The following MYO1D variants were observed in gnomAD, a reference collection of about 807,000 sequenced individuals.
MYO1D encodes unconventional myosin-Id.
Under a neutral mutation model 122.0 loss-of-function variants are expected in MYO1D, and 83 were observed. That is an observed-to-expected ratio of 0.68 (90% CI 0.57 to 0.82). MYO1D has a LOEUF of 0.82. MYO1D is among the 40% of genes least tolerant of loss of function. The probability of loss-of-function intolerance (pLI) is 0.00; values close to 1 mark genes in which losing one functional copy is unlikely to be tolerated. For missense variants in MYO1D, 1,157 were observed against 1,269.5 expected, an observed-to-expected ratio of 0.91 and a Z score of 1.35; for synonymous variants, 464 against 446.9, an observed-to-expected ratio of 1.04 and a Z score of -0.48.
chr17:32,543,723 T>C (rs189797442), intron 21 of MYO1D, among the ~76,000 whole-genome samples: 47 of 152,214 alleles, frequency 3.1e-4, no homozygotes, highest in African/African-American at 1.1e-3. Context: ...CTAGCACAGA[T>C]CTTGTAGCCC....
rs115460945 is a variant in MYO1D, at chr17:32,731,715, C to T, written c.1746+6538G>A. ...GCCAGGAACAGGTGGAAGCCCCGCC[C>T]CCTTCCAAGTTGGCTGGGTGGGATC... is the stretch of plus-strand genomic sequence containing the variant. On this transcript the variant is annotated intron_variant, in intron 14 of 21. Coordinates refer to ENST00000318217, the MANE Select transcript of MYO1D (RefSeq NM_015194.3). Among the ~76,000 whole-genome samples, 731 of 152,312 alleles carry T rather than the reference C, an allele frequency of 4.8e-3. 2 individuals carry two copies. Among genetic ancestry groups the T allele is most frequent in the African/African-American group, 0.017 (700 of 41,560 alleles).
intron 14 of MYO1D, among the ~76,000 whole-genome samples, chr17:32,725,888 A>G (rs1434698285): frequency 6.6e-6 from 1 of 152,242 alleles, no homozygotes; most frequent in African/African-American, 2.4e-5. Context: ...ACAAAGAGAC[A>G]GACTGACAGC....
At chr17:32,581,037 A>T (rs1320524036) in intron 21 of MYO1D, among the ~76,000 whole-genome samples, 2 of 151,386 alleles carry the variant, frequency 1.3e-5, no homozygotes, top group East Asian at 3.9e-4. Flanking sequence ...ATATTTCTTA[A>T]ATCTATAGTA....
chr17:32,650,882 T>C (rs1215625530), intron 19 of MYO1D, among the ~76,000 whole-genome samples: 1 of 152,210 alleles, frequency 6.6e-6, no homozygotes, highest in East Asian at 1.9e-4. Context: ...CTGGGTCAGT[T>C]TGAATGATTA....
At chr17:32,581,619 CT>C (rs1249058250) in intron 21 of MYO1D, among the ~76,000 whole-genome samples, 1 of 151,470 alleles carries the variant, frequency 6.6e-6, no homozygotes, top group African/African-American at 2.4e-5. Flanking sequence ...GCTACCCTGG[CT>C]AGAGTGCAGT....
chr17:32,585,707 C>T (rs548256764), intron 21 of MYO1D, among the ~76,000 whole-genome samples: 27 of 144,346 alleles, frequency 1.9e-4, no homozygotes, highest in Admixed American at 6.5e-4. Flanking sequence ...TCCAGCACTC[C>T]AGTCTGGGCA....
intron 21 of MYO1D, among the ~76,000 whole-genome samples, chr17:32,539,276 TACACACACACACACACACACAC>T (rs5819986): frequency 1.3e-4 from 18 of 133,516 alleles, no homozygotes; most frequent in African/African-American, 4.0e-4. Context: ...ACCCTGTCTC[TACACACACACACACACACACAC>T]ACACACACAC....
At chr17:32,560,619 C>T (rs1211379819) in intron 21 of MYO1D, among the ~76,000 whole-genome samples, 2 of 130,464 alleles carry the variant, frequency 1.5e-5, no homozygotes, top group Non-Finnish European at 3.2e-5. Flanking sequence ...CAAGATTAGC[C>T]GGTGAATCTT....
intron 1 of MYO1D, among the ~76,000 whole-genome samples, chr17:32,794,537 C>T (rs2090393106): frequency 6.6e-6 from 1 of 151,886 alleles, no homozygotes; most frequent in East Asian, 1.9e-4. Flanking sequence ...TATTAGCACT[C>T]ATGTTCCAAG....
chr17:32,532,589 T>C (rs1910540207), intron 21 of MYO1D, among the ~76,000 whole-genome samples: 1 of 151,650 alleles, frequency 6.6e-6, no homozygotes, highest in Non-Finnish European at 1.5e-5. Flanking sequence ...TAGCCGGGCG[T>C]GGTGGCGGCG....
chr17:32,557,402 C>T (rs1250900114), intron 21 of MYO1D, among the ~76,000 whole-genome samples: 2 of 152,144 alleles, frequency 1.3e-5, no homozygotes, highest in Non-Finnish European at 2.9e-5. Flanking sequence ...AGCCACTGTG[C>T]CCGGCCTAGT....
At chr17:32,817,864 C>T (rs956444845) in intron 1 of MYO1D, among the ~76,000 whole-genome samples, 2 of 152,002 alleles carry the variant, frequency 1.3e-5, no homozygotes, top group Non-Finnish European at 2.9e-5. Context: ...CGGTGGCTCA[C>T]GCCTGTAATC....
At chr17:32,650,308 T>C (rs2088371482) in intron 19 of MYO1D, among the ~76,000 whole-genome samples, 1 of 152,252 alleles carries the variant, frequency 6.6e-6, no homozygotes, top group Non-Finnish European at 1.5e-5. Flanking sequence ...CTTTCTTTGT[T>C]CCTTCGTGTC....
chr17:32,568,517 A>C (rs2087194657), intron 21 of MYO1D, among the ~76,000 whole-genome samples: 1 of 152,170 alleles, frequency 6.6e-6, no homozygotes, highest in Non-Finnish European at 1.5e-5. Flanking sequence ...ATAACCTATC[A>C]ACCCCCTTTG....
chr17:32,738,566 C>T (rs1470743405), intron 13 of MYO1D, among the ~76,000 whole-genome samples, 181 bp from the exon 14 acceptor site: 1 of 152,194 alleles, frequency 6.6e-6, no homozygotes, highest in Non-Finnish European at 1.5e-5. Context: ...ATGACTGATA[C>T]TGCAATGCAA....
chr17:32,704,763 T>C (rs138847632), intron 16 of MYO1D, among the ~76,000 whole-genome samples: 1 of 152,042 alleles, frequency 6.6e-6, no homozygotes, highest in Non-Finnish European at 1.5e-5. Flanking sequence ...AGTAGACTGA[T>C]TGAGGAAATG....
chr17:32,842,721 G>A (rs1365855354), intron 1 of MYO1D, among the ~76,000 whole-genome samples: 1 of 151,932 alleles, frequency 6.6e-6, no homozygotes, highest in Non-Finnish European at 1.5e-5. Flanking sequence ...CATTCTATGC[G>A]CTCAGACTTC....
At chr17:32,507,881 A>G (rs1909551727) in intron 21 of MYO1D, among the ~76,000 whole-genome samples, 1 of 143,048 alleles carries the variant, frequency 7.0e-6, no homozygotes, top group Non-Finnish European at 1.5e-5. Flanking sequence ...CCAGAACCCA[A>G]CCATGCTGGA....
chr17:32,778,444 G>C, intron 3 of MYO1D, 36 bp downstream of exon 3: 1 of 1,576,944 alleles, frequency 6.3e-7, no homozygotes, highest in Non-Finnish European at 8.7e-7. Flanking sequence ...AAAACAGAGT[G>C]CTAAGAATTC....
Sources: allele counts gnomAD v4.1 joint callset (sites outside exome capture counted in the v4.1 genomes callset), GRCh38; gene constraint gnomAD v4.1.1; transcripts MANE v1.5; gene names NCBI Gene and HGNC (gene_info 2026-07-23, HGNC 2026-07-21).